Variants in NTM observed in about 807,000 individuals in gnomAD.
NTM encodes IgLON family member 2.
In NTM, 13 loss-of-function variants were observed where a neutral mutation model predicts 42.1. That is an observed-to-expected ratio of 0.31 (90% CI 0.20 to 0.49). The LOEUF (loss-of-function observed/expected upper bound fraction) is 0.49, where lower values mean the gene tolerates loss of function less well. Ranked by LOEUF, NTM falls within the 20% of genes least tolerant of loss-of-function variation. NTM has a pLI of 0.99. For synonymous variants in NTM, 187 were observed against 179.2 expected (o/e 1.04, Z -0.35); for missense variants, 373 against 452.8 (o/e 0.82, Z 1.60).
At position 131,763,707 on chromosome 11, in the gene NTM, C is replaced by CTTTTTTTT. The variant is rs1443279848; in HGVS notation, c.83-147856_83-147855insTTTTTTTT. On this transcript the variant is annotated intron_variant, in intron 1 of 8. Coordinates refer to ENST00000683400, the MANE Select transcript of NTM (RefSeq NM_001352005.2). ...TTCTTATCCACAGGCCCATCTCTCT[C>CTTTTTTTT]TCTTTTTTTTTTTTTTTTTTTTTTT... Among the ~76,000 whole-genome samples the CTTTTTTTT allele has an allele frequency of 1.8e-3, 108 of 60,770 alleles. 2 individuals carry two copies. The highest frequency in any genetic ancestry group is 4.4e-3 in the African/African-American group (100 of 22,954). 39.9% of individuals were successfully genotyped at this position (60,770 alleles called of 152,430 possible).
chr11:131,724,266 G>C (rs972785846), intron 1 of NTM, among the ~76,000 whole-genome samples: 4 of 152,024 alleles, frequency 2.6e-5, no homozygotes, highest in Non-Finnish European at 5.9e-5. Flanking sequence ...TTCTCTCTTT[G>C]TCTGCCCATC....
intron 2 of NTM, among the ~76,000 whole-genome samples, chr11:132,084,085 G>A (rs2136313232): frequency 6.6e-6 from 1 of 152,026 alleles, no homozygotes; most frequent in African/African-American, 2.4e-5. Context: ...CTCTTCATAA[G>A]TCCTGTATGT....
At chr11:131,503,685 G>A (rs1269343517) in intron 1 of NTM, among the ~76,000 whole-genome samples, 1 of 138,606 alleles carries the variant, frequency 7.2e-6, no homozygotes, top group South Asian at 2.4e-4. Context: ...ACTATGCCTG[G>A]CTAATTGTTT....
intron 1 of NTM, among the ~76,000 whole-genome samples, chr11:131,867,582 A>ATG (rs1366931563): frequency 6.6e-6 from 1 of 150,502 alleles, no homozygotes; most frequent in Non-Finnish European, 1.5e-5. Context: ...GCCTGTGTGT[A>ATG]TGTGTGTGTA....
intron 1 of NTM, among the ~76,000 whole-genome samples, chr11:131,677,936 T>C (rs1170788084): frequency 6.6e-6 from 1 of 152,198 alleles, no homozygotes; most frequent in Non-Finnish European, 1.5e-5. Flanking sequence ...GATTTGAATC[T>C]GCAAGTGATC....
chr11:132,332,528 G>A (rs993239658), intron 8 of NTM: 6 of 152,190 alleles, frequency 3.9e-5, no homozygotes, highest in African/African-American at 1.4e-4. Flanking sequence ...CAACAAACAG[G>A]TGAGGACACG....
chr11:132,000,078 C>T (rs550201994), intron 2 of NTM, among the ~76,000 whole-genome samples: 3 of 152,242 alleles, frequency 2.0e-5, no homozygotes, highest in South Asian at 2.1e-4. Flanking sequence ...GGAGTTATAT[C>T]GGTACATTCA....
rs1412942648 is a variant in NTM, at chr11:132,003,259, T to C, written c.167+91611T>C. Among the ~76,000 whole-genome samples, 4 of 139,136 alleles carry C rather than the reference T, an allele frequency of 2.9e-5. No individual in the cohort carries two copies. The highest frequency in any genetic ancestry group is 6.2e-5 in the Non-Finnish European group (4 of 65,014). The allele number at this position is 139,136 out of a possible 152,430, so 91.3% of individuals were successfully genotyped here. A position where few individuals can be genotyped will look rare whatever the true frequency, so the allele number is the denominator to read the frequency against. On this transcript the variant is annotated intron_variant, in intron 2 of 8. Transcript: ENST00000683400. The surrounding 1 kb of genome is among the most constrained non-coding windows in gnomAD (Gnocchi z 6.0). ...CCACACCCTTAGAGTTTTTTTTTCT[T>C]TTTTTTTTTTGACAGGTTATTTGTT...
At chr11:131,789,803 A>AAC (rs1207754390) in intron 1 of NTM, among the ~76,000 whole-genome samples, 1 of 149,842 alleles carries the variant, frequency 6.7e-6, no homozygotes, top group South Asian at 2.1e-4. Context: ...AAAAATACAA[A>AAC]AAATTAGCCG....
chr11:131,933,780 C>G (rs1322712072), intron 2 of NTM, among the ~76,000 whole-genome samples: 1 of 152,034 alleles, frequency 6.6e-6, no homozygotes, highest in African/African-American at 2.4e-5. Context: ...TAGATGAAAT[C>G]TAGCTTGGTG....
intron 2 of NTM, among the ~76,000 whole-genome samples, chr11:131,921,837 T>C (rs544683642): frequency 6.6e-6 from 1 of 152,134 alleles, no homozygotes; most frequent in East Asian, 1.9e-4. Flanking sequence ...GCACAAACCC[T>C]ATTGTATCTT....
chr11:131,805,899 T>G (rs187057915), intron 1 of NTM, among the ~76,000 whole-genome samples: 3 of 152,338 alleles, frequency 2.0e-5, no homozygotes, highest in African/African-American at 7.2e-5. Context: ...TTTTCTTATT[T>G]GCACAAAATT....
chr11:131,699,170 A>G (rs548452209), intron 1 of NTM, among the ~76,000 whole-genome samples: 2 of 152,360 alleles, frequency 1.3e-5, no homozygotes, highest in Non-Finnish European at 2.9e-5. Flanking sequence ...GATCTAGAGC[A>G]CTGAATCTGC....
At chr11:131,646,870 T>C (rs1314263905) in intron 1 of NTM, among the ~76,000 whole-genome samples, 1 of 152,204 alleles carries the variant, frequency 6.6e-6, no homozygotes, top group Non-Finnish European at 1.5e-5. Context: ...TTTTATATTA[T>C]AGAAGACATA....
chr11:132,268,144 C>A (rs756601198), intron 4 of NTM, among the ~76,000 whole-genome samples: 4 of 152,108 alleles, frequency 2.6e-5, no homozygotes, highest in Non-Finnish European at 4.4e-5. Context: ...GATTTTGCCA[C>A]TATGGAGCAA....
intron 1 of NTM, among the ~76,000 whole-genome samples, chr11:131,816,560 AG>A (rs1324547993): frequency 6.9e-6 from 1 of 145,430 alleles, no homozygotes; most frequent in Admixed American, 6.9e-5. Flanking sequence ...AAAAAAAAAA[AG>A]GAATTTAAAG....
At chr11:132,202,765 A>G (rs1385715215) in intron 3 of NTM, among the ~76,000 whole-genome samples, 2 of 152,182 alleles carry the variant, frequency 1.3e-5, no homozygotes, top group Non-Finnish European at 2.9e-5. Flanking sequence ...CAGAGCTCAT[A>G]AAGACTTCCT....
chr11:131,960,742 G>A (rs1166193830), intron 2 of NTM, among the ~76,000 whole-genome samples: 1 of 152,130 alleles, frequency 6.6e-6, no homozygotes, highest in Non-Finnish European at 1.5e-5. Context: ...TTCCCTTCCA[G>A]GGTCTACAGC....
At chr11:131,590,551 C>T (rs551468270) in intron 1 of NTM, among the ~76,000 whole-genome samples, 5 of 152,314 alleles carry the variant, frequency 3.3e-5, no homozygotes, top group Admixed American at 1.3e-4. Flanking sequence ...GTCCCCTGCA[C>T]GACAAGAGGA....
Sources: gnomAD v4.1 joint callset for allele counts (sites outside exome capture counted in the v4.1 genomes callset) on GRCh38, gnomAD v4.1.1 for gene constraint, Gnocchi (gnomAD v3.1) non-coding constraint, MANE v1.5 for transcripts, NCBI Gene and HGNC (gene_info 2026-07-23, HGNC 2026-07-21) for gene names.